Variants in GPC6 observed in about 807,000 individuals in gnomAD.
GPC6 encodes glypican 6.
In GPC6, 14 loss-of-function variants were observed where a neutral mutation model predicts 55.2. That is an observed-to-expected ratio of 0.25 (90% CI 0.17 to 0.40). The LOEUF (loss-of-function observed/expected upper bound fraction) is 0.40, where lower values mean the gene tolerates loss of function less well. Among genes scored for constraint, GPC6 ranks in the 10% least tolerant of loss-of-function variants. The pLI is 1.00. For missense variants in GPC6, 641 were observed against 708.5 expected, an observed-to-expected ratio of 0.90 and a Z score of 1.08; for synonymous variants, 278 against 259.6, an observed-to-expected ratio of 1.07 and a Z score of -0.68.
chr13:93,955,983 T>G (rs1399231109), intron 3 of GPC6, among the ~76,000 whole-genome samples: 2 of 152,144 alleles, frequency 1.3e-5, no homozygotes, highest in African/African-American at 4.8e-5. Flanking sequence ...TTTGGCTCAC[T>G]CATTTCTTCA....
intron 4 of GPC6, among the ~76,000 whole-genome samples, chr13:94,222,360 A>T (rs1263024750): frequency 6.6e-6 from 1 of 152,144 alleles, no homozygotes; most frequent in Admixed American, 6.6e-5. Context: ...ATCTTGTAGG[A>T]AGCAAAGATC....
intron 4 of GPC6, among the ~76,000 whole-genome samples, chr13:94,196,223 G>A (rs1889571440): frequency 6.7e-6 from 1 of 149,240 alleles, no homozygotes; most frequent in African/African-American, 2.5e-5. Flanking sequence ...TACAGCACAA[G>A]AATATCTCTT....
chr13:94,315,169 G>C (rs1029585475), intron 6 of GPC6, among the ~76,000 whole-genome samples: 3 of 152,188 alleles, frequency 2.0e-5, no homozygotes, highest in Non-Finnish European at 2.9e-5. Context: ...ACCACCACCA[G>C]CAGCAGCTCC....
chr13:94,188,563 C>G (rs1228707275), intron 4 of GPC6, among the ~76,000 whole-genome samples: 1 of 152,128 alleles, frequency 6.6e-6, no homozygotes, highest in Non-Finnish European at 1.5e-5. Flanking sequence ...TTACAAAGAA[C>G]CTAGCACTGC....
chr13:94,022,120 A>G (rs1882719089), intron 3 of GPC6, among the ~76,000 whole-genome samples: 1 of 152,072 alleles, frequency 6.6e-6, no homozygotes, highest in Non-Finnish European at 1.5e-5. Context: ...TTTCTTTAGC[A>G]AAAGTCCTGA....
chr13:93,900,053 C>G (rs917978523), intron 3 of GPC6, among the ~76,000 whole-genome samples: 1 of 152,116 alleles, frequency 6.6e-6, no homozygotes, highest in Non-Finnish European at 1.5e-5. Context: ...CAAAATTTCT[C>G]AGTTTCATCC....
At chr13:93,221,349 T>A in the GPC6 span, among the ~76,000 whole-genome samples, 8 of 152,322 alleles carry the variant, frequency 5.3e-5, no homozygotes, top group South Asian at 1.7e-3. Flanking sequence ...TTCTCTTGGA[T>A]AAACCCTGTC....
chr13:93,277,656 GT>G (rs1165042002), intron 1 of GPC6, among the ~76,000 whole-genome samples: 1 of 152,012 alleles, frequency 6.6e-6, no homozygotes, highest in Non-Finnish European at 1.5e-5. Flanking sequence ...TGGTTAAACT[GT>G]TTTTTTCACA....
chr13:94,126,425 C>T (rs1886815658), intron 4 of GPC6, among the ~76,000 whole-genome samples: 1 of 152,058 alleles, frequency 6.6e-6, no homozygotes, highest in Admixed American at 6.6e-5. Flanking sequence ...TTTTATCATG[C>T]CTGAGGCCGA....
At chr13:93,427,777 C>T (rs1024028993) in intron 1 of GPC6, among the ~76,000 whole-genome samples, 4 of 152,074 alleles carry the variant, frequency 2.6e-5, no homozygotes, top group African/African-American at 9.7e-5. Context: ...CACAATAGTC[C>T]GTTCAGTGCA....
intron 3 of GPC6, among the ~76,000 whole-genome samples, chr13:93,839,678 A>G (rs930579249): frequency 1.3e-5 from 2 of 152,188 alleles, no homozygotes; most frequent in East Asian, 1.9e-4. Flanking sequence ...GAAAGTTTGG[A>G]GGATTTCTCT....
At chr13:93,961,005 G>A (rs963569436) in intron 3 of GPC6, among the ~76,000 whole-genome samples, 9 of 151,808 alleles carry the variant, frequency 5.9e-5, no homozygotes, top group Non-Finnish European at 7.4e-5. Flanking sequence ...TAGTAGAGGC[G>A]GGGTTTCACC....
At chr13:93,984,852 G>C (rs1045103491) in intron 3 of GPC6, among the ~76,000 whole-genome samples, 1 of 152,126 alleles carries the variant, frequency 6.6e-6, no homozygotes, top group African/African-American at 2.4e-5. Flanking sequence ...TTAATGGGAG[G>C]AAGCTATCTT....
At chr13:94,101,923 CATTT>C (rs1028530206) in intron 4 of GPC6, among the ~76,000 whole-genome samples, 1 of 151,792 alleles carries the variant, frequency 6.6e-6, no homozygotes, top group African/African-American at 2.4e-5. Context: ...GTTTTTTCTT[CATTT>C]GTTAATGCAA....
At chr13:94,277,824 A>T (rs1024007643) in intron 4 of GPC6, among the ~76,000 whole-genome samples, 4 of 152,106 alleles carry the variant, frequency 2.6e-5, no homozygotes, top group Non-Finnish European at 2.9e-5. Flanking sequence ...TGCTGTTTTC[A>T]TTACTGTCAC....
chr13:93,291,884 T>A (rs527587536), intron 1 of GPC6, among the ~76,000 whole-genome samples: 1 of 152,276 alleles, frequency 6.6e-6, no homozygotes, highest in African/African-American at 2.4e-5. Flanking sequence ...TGTTCAGCGT[T>A]TGTATATTCA....
intron 3 of GPC6, among the ~76,000 whole-genome samples, chr13:93,832,241 G>A (rs2138984476): frequency 6.8e-6 from 1 of 146,924 alleles, no homozygotes; most frequent in Non-Finnish European, 1.5e-5. Flanking sequence ...AGAATAGCAA[G>A]AGGAAATATC....
chr13:94,175,246 A>G (rs949110644), intron 4 of GPC6, among the ~76,000 whole-genome samples: 3 of 152,148 alleles, frequency 2.0e-5, no homozygotes. Context: ...GGTGGTAAAT[A>G]TGTTAGGCTT....
intron 1 of GPC6, among the ~76,000 whole-genome samples, chr13:93,229,682 C>A (rs1031101859): frequency 1.3e-5 from 2 of 150,114 alleles, no homozygotes; most frequent in African/African-American, 4.9e-5. Flanking sequence ...ACAGTGTTTG[C>A]TTATTAGCTA....
Sources: allele counts gnomAD v4.1 joint callset (sites outside exome capture counted in the v4.1 genomes callset), GRCh38; gene constraint gnomAD v4.1.1; transcripts MANE v1.5; gene names NCBI Gene and HGNC (gene_info 2026-07-23, HGNC 2026-07-21).